Variants in PCDHGB7 observed in about 807,000 individuals in gnomAD.
PCDHGB7 encodes protocadherin gamma subfamily B, 7.
A neutral mutation model predicts 61.4 loss-of-function variants in PCDHGB7; 37 were observed. The observed-to-expected ratio is 0.60, with a 90% CI of 0.46 to 0.79. The LOEUF (loss-of-function observed/expected upper bound fraction) is 0.79. PCDHGB7 is among the 30% of genes least tolerant of loss of function. The probability of loss-of-function intolerance (pLI) is 0.00; values close to 1 mark genes in which losing one functional copy is unlikely to be tolerated. For synonymous variants in PCDHGB7, 464 were observed against 503.5 expected (o/e 0.92, Z 1.05); for missense variants, 1,166 against 1,202.5 (o/e 0.97, Z 0.45).
Position 141,486,230 on chromosome 5 carries a change from A to C in PCDHGB7, c.2416-8577A>C. On this transcript the variant is annotated intron_variant, in intron 1 of 3. Coordinates refer to ENST00000398594, the MANE Select transcript of PCDHGB7 (RefSeq NM_018927.4). The surrounding 1 kb of genome is among the most constrained non-coding windows in gnomAD (Gnocchi z 5.0). ...TGACAATGCCCCTTACATCACAGTGACCTCAGAGCTTGGAACCCTCCCCGA... is the reference window on the plus strand; with the variant it reads ...TGACAATGCCCCTTACATCACAGTGCCCTCAGAGCTTGGAACCCTCCCCGA... The C allele has an allele frequency of 6.2e-7, 1 of 1,614,016 alleles. No individual in the cohort carries two copies. Among genetic ancestry groups the C allele is most frequent in the Non-Finnish European group, 8.5e-7 (1 of 1,179,964 alleles).
Position 141,431,222 on chromosome 5 carries a change from C to A in PCDHGB7, c.2415+10948C>A. On this transcript the variant is annotated intron_variant, in intron 1 of 3. Transcript: ENST00000398594. The surrounding 1 kb of genome is among the most constrained non-coding windows in gnomAD (Gnocchi z 4.8). ...AGCCACTGAGATGCGGTTCCCTCTA[C>A]CCCACGCCTGGGATCCGGATATCGG... 3 of 1,614,170 alleles carry A rather than the reference C, an allele frequency of 1.9e-6. No individual in the cohort carries two copies. The highest frequency in any genetic ancestry group is 2.5e-6 in the Non-Finnish European group (3 of 1,180,034).
In PCDHGB7 at chr5:141,511,346, C is replaced by T; in HGVS notation, c.*173C>T. 7.1e-7 allele frequency: 1 copy of T among 1,400,168 alleles called. No homozygotes were observed. The allele number at this position is 1,400,168 out of a possible 1,614,324, so 86.7% of individuals were successfully genotyped here. A position where few individuals can be genotyped will look rare whatever the true frequency, so the allele number is the denominator to read the frequency against. On this transcript the variant is annotated 3_prime_UTR_variant, in exon 4 of 4. Transcript: ENST00000398594. ...AGTGCCCAGTCAGCACCTACCCCTT[C>T]CCCCCCAGGGGGTTGAATATGCAAA...
intron 1 of PCDHGB7, among the ~76,000 whole-genome samples, chr5:141,471,768 T>A (rs1203999329): frequency 6.6e-6 from 1 of 152,174 alleles, no homozygotes; most frequent in Non-Finnish European, 1.5e-5. Context: ...GGTCAAAAGA[T>A]GAGTTTGACA....
chr5:141,451,001 A>T (rs909477017), intron 1 of PCDHGB7, among the ~76,000 whole-genome samples: 2 of 148,266 alleles, frequency 1.3e-5, no homozygotes, highest in Middle Eastern at 3.4e-3. Context: ...ATTTTTTTGT[A>T]TTTTTTTTAG....
chr5:141,434,877 C>A (rs1266355299), intron 1 of PCDHGB7, among the ~76,000 whole-genome samples: 1 of 151,612 alleles, frequency 6.6e-6, no homozygotes, highest in Non-Finnish European at 1.5e-5. Flanking sequence ...TGACAGATAC[C>A]AACAACAATC....
intron 2 of PCDHGB7, among the ~76,000 whole-genome samples, chr5:141,504,799 C>A (rs1474096570): frequency 6.6e-6 from 1 of 151,994 alleles, no homozygotes; most frequent in African/African-American, 2.4e-5. Context: ...CCTACATCTC[C>A]CCCTAGGTAC....
chr5:141,476,446 G>A lies in PCDHGB7; in HGVS notation c.2416-18361G>A. On this transcript the variant is annotated intron_variant, in intron 1 of 3. Transcript: ENST00000398594. This position sits in a 1 kb window ranked among gnomAD's most constrained non-coding sequence, Gnocchi z 7.6. Reference sequence around the variant, plus strand: ...CCTCTTGCACTGTAACTCTGGAGTTGGTAGTGGAGAACCCGCTGGAGCTGT... The same window carrying A: ...CCTCTTGCACTGTAACTCTGGAGTTAGTAGTGGAGAACCCGCTGGAGCTGT... 6.2e-7 allele frequency: 1 copy of A among 1,614,144 alleles called. No homozygotes were observed. Among genetic ancestry groups the A allele is most frequent in the South Asian group, 1.1e-5 (1 of 91,072 alleles).
chr5:141,505,832 T>G (rs1006398435), intron 3 of PCDHGB7, among the ~76,000 whole-genome samples: 1 of 152,188 alleles, frequency 6.6e-6, no homozygotes, highest in African/African-American at 2.4e-5. Flanking sequence ...AAACCTCAGT[T>G]TCCTCAGCCT....
intron 1 of PCDHGB7, chr5:141,428,404 T>A (rs375988962): frequency 2.3e-5 from 11 of 476,688 alleles, no homozygotes; most frequent in East Asian, 2.1e-4. Flanking sequence ...TGCCTGGGGT[T>A]GCTTTCACCC....
chr5:141,462,462 T>G (rs570804965), intron 1 of PCDHGB7, among the ~76,000 whole-genome samples: 1 of 152,346 alleles, frequency 6.6e-6, no homozygotes, highest in Middle Eastern at 3.4e-3. Flanking sequence ...CTGAAAACTG[T>G]GTATTCTGCT....
At position 141,511,355 on chromosome 5, in the gene PCDHGB7, G is replaced by A; in HGVS notation, c.*182G>A. On this transcript the variant is annotated 3_prime_UTR_variant, in exon 4 of 4. Coordinates refer to ENST00000398594, the MANE Select transcript of PCDHGB7 (RefSeq NM_018927.4). ...TCAGCACCTACCCCTTCCCCCCCAG[G>A]GGGTTGAATATGCAAAAGCAGTTCC... 4 of 1,379,256 alleles carry A rather than the reference G, an allele frequency of 2.9e-6. No individual in the cohort carries two copies. The highest frequency in any genetic ancestry group is 3.9e-6 in the Non-Finnish European group (4 of 1,035,886). 85.4% of individuals were successfully genotyped at this position (1,379,256 alleles called of 1,614,324 possible).
At chr5:141,434,713 T>C (rs1377558306) in intron 1 of PCDHGB7, among the ~76,000 whole-genome samples, 1 of 152,088 alleles carries the variant, frequency 6.6e-6, no homozygotes, top group Non-Finnish European at 1.5e-5. Flanking sequence ...GGTAAATCTC[T>C]GTTCAGGGCT....
chr5:141,492,846 A>G (rs1404624093), intron 1 of PCDHGB7, among the ~76,000 whole-genome samples: 1 of 152,184 alleles, frequency 6.6e-6, no homozygotes, highest in African/African-American at 2.4e-5. Flanking sequence ...AGGAAGTGAA[A>G]GCCTCGAGCG....
Position 141,506,445 on chromosome 5 carries a change from A to T in PCDHGB7, c.2563+964A>T, listed in dbSNP as rs1018306383. 3.8e-3 allele frequency among the ~76,000 whole-genome samples: 112 copies of T among 29,226 alleles called. No individual in the cohort carries two copies. The Middle Eastern group carries it at 0.08, about 21-fold the overall frequency. The allele number at this position is 29,226 out of a possible 152,430, so 19.2% of individuals were successfully genotyped here. ...CTGGGCAACAGTCTCGCTCTGTCTC[A>T]AAAAAAAAAAAAAAAAAAAAGAGCA... On this transcript the variant is annotated intron_variant, in intron 3 of 3. Transcript: ENST00000398594.
intron 1 of PCDHGB7, chr5:141,422,819 TGA>T (rs766395950): frequency 1.9e-5 from 31 of 1,614,068 alleles, no homozygotes; most frequent in Middle Eastern, 1.6e-4. Flanking sequence ...GACTTAGAAC[TGA>T]GAGTGATAGC....
chr5:141,419,397 T>G lies in PCDHGB7; in HGVS notation c.1538T>G (p.Val513Gly), dbSNP rs1280096838. ...GTGTCCGTGAGCGCGCAGAGCGGGG[T>G]GGTGTTCGCGCAGCGCGCCTTCGAC... ...SYVSVSAQSGVVFAQRAFDHE... is the reference protein window; with the variant it reads ...SYVSVSAQSGGVFAQRAFDHE... Residue 513 changes from valine to glycine, a missense_variant, in exon 1 of 4, where the codon GTG (valine) becomes GGG (glycine). Coordinates refer to ENST00000398594, the MANE Select transcript of PCDHGB7 (RefSeq NM_018927.4). 3 of 1,613,312 alleles carry G rather than the reference T, an allele frequency of 1.9e-6. No individual in the cohort carries two copies.
chr5:141,471,046 C>CTT (rs1170588345), intron 1 of PCDHGB7, among the ~76,000 whole-genome samples: 26 of 113,248 alleles, frequency 2.3e-4, no homozygotes, highest in Non-Finnish European at 3.0e-4. Context: ...CCCAAGCCCT[C>CTT]TTTTTTTTTT....
rs538105673 is a variant in PCDHGB7, at chr5:141,427,796, C to T, written c.2415+7522C>T. On this transcript the variant is annotated intron_variant, in intron 1 of 3. Transcript: ENST00000398594. Reference sequence around the variant, plus strand: ...TGCGGGCACTGTCGTCCTACGTGTCCGTGAGCGCACAGAGCGGGGTGGTGG... The same window carrying T: ...TGCGGGCACTGTCGTCCTACGTGTCTGTGAGCGCACAGAGCGGGGTGGTGG... The T allele has an allele frequency of 3.6e-4, 547 of 1,502,104 alleles. 5 individuals carry two copies. In the South Asian group the frequency reaches 5.9e-3, roughly 16 times the overall value. The allele number at this position is 1,502,104 out of a possible 1,614,324, so 93.0% of individuals were successfully genotyped here.
Position 141,490,220 on chromosome 5 carries a change from A to G in PCDHGB7, c.2416-4587A>G. 6.2e-7 allele frequency: 1 copy of G among 1,614,252 alleles called. No individual in the cohort carries two copies. Among genetic ancestry groups the G allele is most frequent in the Non-Finnish European group, 8.5e-7 (1 of 1,180,044 alleles). On this transcript the variant is annotated intron_variant, in intron 1 of 3. Coordinates refer to ENST00000398594, the MANE Select transcript of PCDHGB7 (RefSeq NM_018927.4). This position sits in a 1 kb window ranked among gnomAD's most constrained non-coding sequence, Gnocchi z 5.4. The stretch of plus-strand genomic sequence containing the variant: ...CATGCAAGAGCCCGTGACCAGGGAC[A>G]GCCTGCCATGGAGGGCCACTGTGTG...
Sources: gnomAD v4.1 joint callset for allele counts (sites outside exome capture counted in the v4.1 genomes callset) on GRCh38, gnomAD v4.1.1 for gene constraint, Gnocchi (gnomAD v3.1) non-coding constraint, MANE v1.5 for transcripts, NCBI Gene and HGNC (gene_info 2026-07-23, HGNC 2026-07-21) for gene names.